Variants in SFMBT2 observed in about 807,000 individuals in gnomAD.
The protein encoded by SFMBT2 is Scm like with four mbt domains 2.
Under a neutral mutation model 110.1 loss-of-function variants are expected in SFMBT2, and 38 were observed. The observed-to-expected ratio is 0.35, with a 90% CI of 0.27 to 0.45. The LOEUF (loss-of-function observed/expected upper bound fraction) is 0.45, where lower values mean the gene tolerates loss of function less well. SFMBT2 is among the 20% of genes least tolerant of loss of function. The probability of loss-of-function intolerance (pLI) is 1.00; values close to 1 mark genes in which losing one functional copy is unlikely to be tolerated. For synonymous variants in SFMBT2, 425 were observed against 425.4 expected (o/e 1.00, Z 0.01); for missense variants, 1,011 against 1,094.9 (o/e 0.92, Z 1.08).
rs201581927 is a variant in SFMBT2, at chr10:7,384,527, TA to T, written c.-51-2579del. On this transcript the variant is annotated intron_variant, in intron 1 of 20. Coordinates refer to ENST00000397167, the MANE Select transcript of SFMBT2 (RefSeq NM_001387889.1). ...AATAATGAAAATAACGGTTTTTTAA[TA>T]AAAAAAAATGAAGTTATCTTATATC... is the stretch of plus-strand genomic sequence containing the variant. Among the ~76,000 whole-genome samples, 1,426 of 151,458 alleles carry T rather than the reference TA, an allele frequency of 9.4e-3. 13 individuals are homozygous for T. The highest frequency in any genetic ancestry group is 0.016 in the Non-Finnish European group (1,106 of 67,824).
intron 1 of SFMBT2, among the ~76,000 whole-genome samples, chr10:7,385,997 A>T (rs975380950): frequency 1.3e-5 from 2 of 152,068 alleles, no homozygotes; most frequent in African/African-American, 4.8e-5. Context: ...CTCTGTCTCA[A>T]AAAAACATAA....
chr10:7,228,726 TC>T (rs1564395274), intron 9 of SFMBT2, among the ~76,000 whole-genome samples: 43 of 106,064 alleles, frequency 4.1e-4, no homozygotes, highest in Non-Finnish European at 7.3e-4. Context: ...TTTCTTTCTT[TC>T]TTTCTTTCCT....
At chr10:7,164,774 C>T (rs535872469) in intron 20 of SFMBT2, among the ~76,000 whole-genome samples, 1 of 151,572 alleles carries the variant, frequency 6.6e-6, no homozygotes, top group African/African-American at 2.4e-5. Context: ...CACACACACA[C>T]ACACACACAC....
chr10:7,327,258 T>C (rs1843416306), intron 4 of SFMBT2, among the ~76,000 whole-genome samples: 1 of 152,166 alleles, frequency 6.6e-6, no homozygotes, highest in African/African-American at 2.4e-5. Context: ...CTTAGGTATA[T>C]AGTTTTATGA....
rs553928232 is a variant in SFMBT2, at chr10:7,317,597, T to C, written c.437-31643A>G. On this transcript the variant is annotated intron_variant, in intron 4 of 20. Coordinates refer to ENST00000397167, the MANE Select transcript of SFMBT2 (RefSeq NM_001387889.1). ...CGGAGGTTGCGGTGAGCGAAGATCATGCCACTGCACTCGAGCCTGGGCAAC... is the reference window on the plus strand; with the variant it reads ...CGGAGGTTGCGGTGAGCGAAGATCACGCCACTGCACTCGAGCCTGGGCAAC... Among the ~76,000 whole-genome samples the C allele has an allele frequency of 2.5e-3, 342 of 135,350 alleles. 1 individual carries two copies. Among genetic ancestry groups the C allele is most frequent in the African/African-American group, 9.3e-3 (329 of 35,276 alleles). The allele number at this position is 135,350 out of a possible 152,430, so 88.8% of individuals were successfully genotyped here. A position where few individuals can be genotyped will look rare whatever the true frequency, so the allele number is the denominator to read the frequency against.
At chr10:7,220,648 C>T in intron 10 of SFMBT2, 111 bp from the exon 11 acceptor site, 2 of 1,105,938 alleles carry the variant, frequency 1.8e-6, no homozygotes, top group Non-Finnish European at 2.7e-6. Context: ...ATCGACAAGA[C>T]AGGCTCACGT....
intron 6 of SFMBT2, among the ~76,000 whole-genome samples, chr10:7,280,185 A>T (rs2131833083): frequency 6.6e-6 from 1 of 152,288 alleles, no homozygotes; most frequent in South Asian, 2.1e-4. Flanking sequence ...TGGCACCCTG[A>T]TCTCACACTT....
intron 4 of SFMBT2, among the ~76,000 whole-genome samples, chr10:7,320,316 A>G (rs1843147366): frequency 6.6e-6 from 1 of 152,160 alleles, no homozygotes; most frequent in Non-Finnish European, 1.5e-5. Flanking sequence ...AGTACTTCCA[A>G]TCATGTGGTA....
intron 15 of SFMBT2, among the ~76,000 whole-genome samples, chr10:7,191,455 A>T (rs1838599897): frequency 6.6e-6 from 1 of 152,190 alleles, no homozygotes; most frequent in Non-Finnish European, 1.5e-5. Context: ...TCCTTTCAAC[A>T]GGTCAGATCA....
intron 15 of SFMBT2, among the ~76,000 whole-genome samples, chr10:7,192,055 A>G (rs1838617641): frequency 6.6e-6 from 1 of 152,186 alleles, no homozygotes; most frequent in South Asian, 2.1e-4. Context: ...TGCAAAAAAA[A>G]AAATGTGCAC....
Position 7,161,430 on chromosome 10 carries a change from A to C in SFMBT2, c.*2340T>G, listed in dbSNP as rs1837547951. ...AAAGAGTCAGCGCGGGGAAAATGCC[A>C]AAGATCTGGAAATGGATGCCCTTTC... On this transcript the variant is annotated 3_prime_UTR_variant, in exon 21 of 21. Coordinates refer to ENST00000397167, the MANE Select transcript of SFMBT2 (RefSeq NM_001387889.1). 6.6e-6 allele frequency: 1 copy of C among 152,292 alleles called. No homozygotes were observed. The allele number at this position is 152,292 out of a possible 1,614,324, so 9.4% of individuals were successfully genotyped here. A position where few individuals can be genotyped will look rare whatever the true frequency, so the allele number is the denominator to read the frequency against.
intron 4 of SFMBT2, among the ~76,000 whole-genome samples, chr10:7,304,155 T>A (rs1270580550): frequency 6.6e-6 from 1 of 152,178 alleles, no homozygotes; most frequent in Non-Finnish European, 1.5e-5. Flanking sequence ...GAACTGTAGC[T>A]CCCACAATTC....
intron 4 of SFMBT2, among the ~76,000 whole-genome samples, chr10:7,352,682 C>T (rs79172044): frequency 0.041 from 6,214 of 152,226 alleles, 416 homozygotes; most frequent in African/African-American, 0.14. Flanking sequence ...AGGAGTGAAA[C>T]AGTCAACAGC....
intron 11 of SFMBT2, among the ~76,000 whole-genome samples, chr10:7,213,291 A>G (rs918080141): frequency 6.6e-6 from 1 of 152,206 alleles, no homozygotes; most frequent in Non-Finnish European, 1.5e-5. Flanking sequence ...ACTGTGTATT[A>G]GGAGGAAGGC....
In SFMBT2 at chr10:7,366,627, G is replaced by A. The variant is rs1020213704; in HGVS notation, c.436+1022C>T. Among the ~76,000 whole-genome samples the A allele has an allele frequency of 4.6e-5, 7 of 152,142 alleles. 1 individual carries two copies. The highest frequency in any genetic ancestry group is 1.2e-4 in the African/African-American group (5 of 41,428). The stretch of plus-strand genomic sequence containing the variant: ...GTGGCATCAAGAGCCTGCAAGTATC[G>A]CTGCTGCCATTATCATACAATAAAA... On this transcript the variant is annotated intron_variant, in intron 4 of 20. Transcript: ENST00000397167.
intron 9 of SFMBT2, among the ~76,000 whole-genome samples, chr10:7,239,487 A>C (rs1206313860): frequency 6.6e-6 from 1 of 152,168 alleles, no homozygotes; most frequent in African/African-American, 2.4e-5. Context: ...TGTGAAACCA[A>C]CCACCTCAAA....
intron 4 of SFMBT2, among the ~76,000 whole-genome samples, chr10:7,342,461 T>C (rs979017662): frequency 1.6e-5 from 2 of 127,462 alleles, no homozygotes; most frequent in South Asian, 2.5e-4. Flanking sequence ...CAGGCTGGAG[T>C]GCAGTGGTGC....
intron 15 of SFMBT2, among the ~76,000 whole-genome samples, chr10:7,191,274 G>A (rs1045053297): frequency 2.0e-5 from 3 of 152,110 alleles, no homozygotes; most frequent in Non-Finnish European, 4.4e-5. Context: ...AATCCAATGG[G>A]GCTTTTCTGT....
chr10:7,407,392 G>A (rs12766395), intron 1 of SFMBT2, among the ~76,000 whole-genome samples: 2 of 152,148 alleles, frequency 1.3e-5, no homozygotes, highest in African/African-American at 4.8e-5. Context: ...AAGAGTGGAG[G>A]GGGGATGGAG....
Sources: gnomAD v4.1 joint callset for allele counts (sites outside exome capture counted in the v4.1 genomes callset) on GRCh38, gnomAD v4.1.1 for gene constraint, MANE v1.5 for transcripts, NCBI Gene and HGNC (gene_info 2026-07-23, HGNC 2026-07-21) for gene names.